RRN3: variants seen among roughly 807,000 people sequenced by gnomAD.
RRN3 encodes the protein RNA polymerase I-specific transcription initiation factor RRN3.
In RRN3, 38 loss-of-function variants were observed where a neutral mutation model predicts 82.3. The ratio of observed to expected loss-of-function variants is 0.46; its 90% CI spans 0.36 to 0.61. The LOEUF (loss-of-function observed/expected upper bound fraction) is 0.61, where lower values mean the gene tolerates loss of function less well. RRN3 is among the 20% of genes least tolerant of loss of function. RRN3 has a pLI of 0.00. For synonymous variants in RRN3, 284 were observed against 284.3 expected (o/e 1.00, Z 0.01); for missense variants, 726 against 793.1 (o/e 0.92, Z 1.02).
chr16:15,086,520 T>A, intron 3 of RRN3, 66 bp from the exon 4 acceptor site: 11 of 1,592,016 alleles, frequency 6.9e-6, no homozygotes, highest in Non-Finnish European at 9.4e-6. Context: ...TTTACAGCTA[T>A]CTTATATCAA....
intron 9 of RRN3, among the ~76,000 whole-genome samples, chr16:15,078,658 CCT>C (rs942067085): frequency 2.0e-5 from 3 of 152,016 alleles, no homozygotes; most frequent in Admixed American, 6.6e-5. Flanking sequence ...CTTCTCCTCC[CCT>C]GTCCTAAACT....
At chr16:15,089,511 G>A (rs569603911) in intron 3 of RRN3, among the ~76,000 whole-genome samples, 8 of 152,028 alleles carry the variant, frequency 5.3e-5, no homozygotes, top group Admixed American at 1.3e-4. Flanking sequence ...AGCGATTAAA[G>A]GATCACTGGC....
chr16:15,085,348 T>C (rs2045876231), intron 6 of RRN3, among the ~76,000 whole-genome samples: 1 of 152,062 alleles, frequency 6.6e-6, no homozygotes. Flanking sequence ...AAGAAGACAG[T>C]GTCTTGCCAC....
intron 16 of RRN3, among the ~76,000 whole-genome samples, chr16:15,063,842 C>T (rs906681175): frequency 6.6e-6 from 1 of 152,124 alleles, no homozygotes; most frequent in South Asian, 2.1e-4. Context: ...TTTCATCTTT[C>T]CATTTTCATG....
chr16:15,091,234 A>T lies in RRN3; in HGVS notation c.252+81T>A. The T allele has an allele frequency of 1.9e-6, 3 of 1,556,474 alleles. No individual in the cohort carries two copies. The South Asian group carries it at 3.5e-5, about 18-fold the overall frequency. ...CCATGGAGAGAGCAAGTTCTGGAGG[A>T]CAGAATGGGACCCAAAGAGCAAACT... On this transcript the variant is annotated intron_variant, in intron 3 of 17. Coordinates refer to ENST00000198767, the MANE Select transcript of RRN3 (RefSeq NM_018427.5).
At chr16:15,062,704 A>C (rs2044763707) in intron 17 of RRN3, among the ~76,000 whole-genome samples, 1 of 152,220 alleles carries the variant, frequency 6.6e-6, no homozygotes, top group African/African-American at 2.4e-5. Flanking sequence ...CAAAGATCTA[A>C]ATTCATTCAG....
intron 13 of RRN3, 51 bp downstream of exon 13, chr16:15,071,070 C>A (rs1162913194): frequency 1.3e-6 from 2 of 1,518,508 alleles, no homozygotes; most frequent in South Asian, 2.4e-5. Flanking sequence ...CAATGCTATA[C>A]TCTTTTTAAA....
Position 15,060,263 on chromosome 16 carries a change from T to C in RRN3, c.*1481A>G. 3.1e-6 allele frequency: 1 copy of C among 324,282 alleles called. No individual in the cohort carries two copies. The highest frequency in any genetic ancestry group is 6.1e-6 in the Non-Finnish European group (1 of 163,944). The allele number at this position is 324,282 out of a possible 1,614,324, so 20.1% of individuals were successfully genotyped here. Reference sequence around the variant, plus strand: ...TATCTAATATTAAAAAATCAACATTTTGCCAGCAGTTAAAAAGACAACCTT... The same window carrying C: ...TATCTAATATTAAAAAATCAACATTCTGCCAGCAGTTAAAAAGACAACCTT... On this transcript the variant is annotated 3_prime_UTR_variant, in exon 18 of 18. Coordinates refer to ENST00000198767, the MANE Select transcript of RRN3 (RefSeq NM_018427.5).
At chr16:15,081,427 G>A (rs529983484) in intron 8 of RRN3, among the ~76,000 whole-genome samples, 1 of 152,250 alleles carries the variant, frequency 6.6e-6, no homozygotes, top group East Asian at 1.9e-4. Context: ...TTGTGGGCAT[G>A]AAGTGAAATC....
At chr16:15,062,365 C>T (rs1189446277) in intron 17 of RRN3, among the ~76,000 whole-genome samples, 1 of 152,138 alleles carries the variant, frequency 6.6e-6, no homozygotes, top group African/African-American at 2.4e-5. Flanking sequence ...ACACGCCCCT[C>T]AACAAATGAA....
intron 7 of RRN3, among the ~76,000 whole-genome samples, chr16:15,084,231 T>C (rs1277672172): frequency 2.0e-5 from 3 of 152,148 alleles, no homozygotes; most frequent in Admixed American, 1.3e-4. Flanking sequence ...AGTTAACAAA[T>C]AATCAACGGA....
intron 10 of RRN3, among the ~76,000 whole-genome samples, chr16:15,075,095 C>A (rs1470938405): frequency 6.6e-6 from 1 of 151,024 alleles, no homozygotes; most frequent in African/African-American, 2.4e-5. Flanking sequence ...ACTAAAAATA[C>A]AAGAATTAGC....
Position 15,068,252 on chromosome 16 carries a change from A to C in RRN3, c.1470T>G (p.Asn490Lys). 1 of 1,583,054 alleles carries C rather than the reference A, an allele frequency of 6.3e-7. No individual in the cohort carries two copies. The highest frequency in any genetic ancestry group is 8.6e-7 in the Non-Finnish European group (1 of 1,167,080). ...GCTGGCTCATCACTATCCGCTCAAA[A>C]TTCAGACTCTGAAGATACTGCAAAC... ...KEGLQYLQSL[N>K]FERIVMSQLN... Residue 490 changes from asparagine (N) to lysine (K), a missense_variant, in exon 15 of 18, where the codon AAT (asparagine) becomes AAG (lysine). Physicochemically the swap from Asn to Lys is moderately conservative, Grantham distance 94. Around this residue, in one of 4 missense-constraint regions of RRN3, gnomAD observed 81 missense variants for 156.4 expected, o/e 0.52. Transcript: ENST00000198767.
intron 8 of RRN3, among the ~76,000 whole-genome samples, chr16:15,080,356 T>C (rs2045646882): frequency 6.6e-6 from 1 of 152,232 alleles, no homozygotes; most frequent in South Asian, 2.1e-4. Flanking sequence ...TCATATATCA[T>C]ACAATCACCA....
In RRN3 at chr16:15,068,437, T is replaced by C. The variant is rs555106796; in HGVS notation, c.1445-160A>G. 3.9e-5 allele frequency among the ~76,000 whole-genome samples: 6 copies of C among 152,316 alleles called. No homozygotes were observed. The South Asian group carries it at 8.3e-4, about 21-fold the overall frequency. ...GGTCCATGCAGATAGTCACACAGTA[T>C]ATGGCCCAGAAGAGTATCACTAGGC... On this transcript the variant is annotated intron_variant, in intron 14 of 17. Transcript: ENST00000198767.
Position 15,061,807 on chromosome 16 carries a change from G to T in RRN3, c.1893C>A (p.Phe631Leu), listed in dbSNP as rs1394296212. The T allele has an allele frequency of 6.2e-7, 1 of 1,614,062 alleles. No homozygotes were observed. Among genetic ancestry groups the T allele is most frequent in the Non-Finnish European group, 8.5e-7 (1 of 1,180,010 alleles). Residue 631 changes from phenylalanine (F) to leucine (L), a missense_variant, in exon 18 of 18, where the codon TTC (phenylalanine) becomes TTA (leucine). Physicochemically the swap from Phe to Leu is conservative, Grantham distance 22. Around this residue, in one of 4 missense-constraint regions of RRN3, gnomAD observed 166 missense variants for 154.8 expected, o/e 1.07. Transcript: ENST00000198767. ...GITPSSFDTH[F>L]RSPSSSVGSP... The stretch of plus-strand genomic sequence containing the variant: ...AGCCCACACTACTTGAAGGACTTCG[G>T]AAATGCGTGTCAAAGGAGCTTGGTG...
intron 16 of RRN3, among the ~76,000 whole-genome samples, chr16:15,064,224 G>A (rs559355999): frequency 1.3e-5 from 2 of 151,868 alleles, no homozygotes; most frequent in South Asian, 4.2e-4. Flanking sequence ...CGCCCAGGCT[G>A]GAGTGCATTG....
intron 10 of RRN3, among the ~76,000 whole-genome samples, chr16:15,075,965 G>C (rs190849648): frequency 6.6e-6 from 1 of 152,292 alleles, no homozygotes; most frequent in Non-Finnish European, 1.5e-5. Context: ...ACCAATGACT[G>C]ATTGACAAGG....
In RRN3 at chr16:15,071,141, T is replaced by C. The variant is rs1187243892; in HGVS notation, c.1239A>G (p.Arg413=). ...AGNYIGSFLA[R]AKFIPLITVK... Reference sequence around the variant, plus strand: ...CTTACATAAGAGGAATAAATTTAGCTCTTGCCAAAAAGCTTCCAATATAAT... The same window carrying C: ...CTTACATAAGAGGAATAAATTTAGCCCTTGCCAAAAAGCTTCCAATATAAT... Residue 413 remains arginine, a synonymous_variant, in exon 13 of 18, where the codon AGA becomes AGG. Coordinates refer to ENST00000198767, the MANE Select transcript of RRN3 (RefSeq NM_018427.5). The C allele has an allele frequency of 6.2e-7, 1 of 1,609,134 alleles. No individual in the cohort carries two copies. The highest frequency in any genetic ancestry group is 1.7e-5 in the Admixed American group (1 of 59,346).
Sources: gnomAD v4.1 joint callset for allele counts (sites outside exome capture counted in the v4.1 genomes callset) on GRCh38, gnomAD v4.1.1 for gene constraint, gnomAD v4.1.1 regional missense constraint, MANE v1.5 for transcripts, NCBI Gene and HGNC (gene_info 2026-07-23, HGNC 2026-07-21) for gene names.